Variants in NCOA3 observed in about 807,000 individuals in gnomAD.
NCOA3 encodes nuclear receptor coactivator 3.
In NCOA3, 51 loss-of-function variants were observed where a neutral mutation model predicts 158.8. The ratio of observed to expected loss-of-function variants is 0.32; its 90% CI spans 0.26 to 0.41. The LOEUF (loss-of-function observed/expected upper bound fraction) is 0.41, where lower values mean the gene tolerates loss of function less well. Ranked by LOEUF, NCOA3 falls within the 10% of genes least tolerant of loss-of-function variation. NCOA3 has a pLI of 1.00. For synonymous variants in NCOA3, 537 were observed against 592.4 expected, an observed-to-expected ratio of 0.91 and a Z score of 1.36; for missense variants, 1,510 against 1,746.6, an observed-to-expected ratio of 0.86 and a Z score of 2.41.
chr20:47,611,727 A>T (rs2086047101), intron 2 of NCOA3, among the ~76,000 whole-genome samples: 1 of 152,066 alleles, frequency 6.6e-6, no homozygotes, highest in Non-Finnish European at 1.5e-5. Context: ...GGGAGGCGGA[A>T]GTTTTAGTAA....
intron 2 of NCOA3, among the ~76,000 whole-genome samples, chr20:47,617,397 G>A (rs780597396): frequency 6.6e-6 from 1 of 152,154 alleles, no homozygotes; most frequent in Non-Finnish European, 1.5e-5. Flanking sequence ...CTAGTCTCAG[G>A]TAGTTACTGT....
intron 1 of NCOA3, among the ~76,000 whole-genome samples, chr20:47,573,460 A>G (rs2085325789): frequency 6.6e-6 from 1 of 152,180 alleles, no homozygotes; most frequent in Non-Finnish European, 1.5e-5. Flanking sequence ...GAGATAAAAT[A>G]ATAATGAAAA....
intron 1 of NCOA3, among the ~76,000 whole-genome samples, chr20:47,569,938 A>C (rs2085264936): frequency 1.3e-5 from 2 of 151,470 alleles, no homozygotes; most frequent in South Asian, 4.2e-4. Context: ...CGAACCCGGG[A>C]GGCAGAGGTT....
At position 47,639,145 on chromosome 20, in the gene NCOA3, A is replaced by T. The variant is rs753055086; in HGVS notation, c.2650A>T (p.Met884Leu). The change falls in exon 14 of 23, where the codon ATG becomes TTG. Residue 884 changes from methionine to leucine, a missense_variant. By Grantham distance (15) the Met-to-Leu change is conservative. This residue lies in a region of NCOA3 where 1,017 missense variants were observed against 1,098.3 expected (regional missense o/e 0.93). Coordinates refer to ENST00000371998, the MANE Select transcript of NCOA3 (RefSeq NM_181659.3). ...TTTCCCCATGTTACCAAAGCAACCC[A>T]TGTTGGGTGGGAATCCAAGAATGAT... ...SAFPMLPKQP[M>L]LGGNPRMMDS... 6.2e-7 allele frequency: 1 copy of T among 1,614,172 alleles called. No homozygotes were observed. Among genetic ancestry groups the T allele is most frequent in the Non-Finnish European group, 8.5e-7 (1 of 1,180,028 alleles).
At chr20:47,599,789 C>A (rs547178861) in intron 2 of NCOA3, among the ~76,000 whole-genome samples, 13 of 152,060 alleles carry the variant, frequency 8.5e-5, no homozygotes, top group African/African-American at 2.2e-4. Flanking sequence ...ATATGAATTC[C>A]AGCAGCATAT....
At chr20:47,568,534 T>C (rs1044482073) in intron 1 of NCOA3, among the ~76,000 whole-genome samples, 29 of 152,190 alleles carry the variant, frequency 1.9e-4, no homozygotes, top group African/African-American at 7.0e-4. Context: ...GCCTGGTGGG[T>C]AGCTCCATCC....
intron 2 of NCOA3, among the ~76,000 whole-genome samples, chr20:47,585,082 C>T (rs989094946): frequency 2.4e-5 from 3 of 127,454 alleles, no homozygotes; most frequent in Middle Eastern, 5.7e-3. Context: ...GAGACAGACT[C>T]CCTCTGTCAC....
intron 2 of NCOA3, among the ~76,000 whole-genome samples, chr20:47,604,622 G>A (rs961207611): frequency 6.6e-6 from 1 of 151,794 alleles, no homozygotes; most frequent in Non-Finnish European, 1.5e-5. Flanking sequence ...TTTAAAAATC[G>A]AGATGGGAGC....
intron 2 of NCOA3, among the ~76,000 whole-genome samples, chr20:47,589,075 TAG>T (rs1164498165): frequency 6.6e-6 from 1 of 151,964 alleles, no homozygotes; most frequent in East Asian, 1.9e-4. Context: ...TTTTTTTTAG[TAG>T]AGACAGGTTT....
Position 47,639,719 on chromosome 20 carries a change from C to G in NCOA3, c.2850C>G (p.Pro950=). The G allele has an allele frequency of 3.1e-6, 5 of 1,614,114 alleles. No individual in the cohort carries two copies. The highest frequency in any genetic ancestry group is 4.2e-6 in the Non-Finnish European group (5 of 1,180,032). ...RPGGDYNTSL[P]RPALGGSIPT... ...GAGGAGATTATAATACTTCTTTACC[C>G]AGACCTGCACTGGGTGGCTCTATTC... Residue 950 remains proline, a synonymous_variant, in exon 15 of 23, where the codon CCC becomes CCG. Transcript: ENST00000371998.
chr20:47,653,009 T>C lies in NCOA3; in HGVS notation c.4200T>C (p.Gly1400=), dbSNP rs2086821460. 4.3e-6 allele frequency: 7 copies of C among 1,614,066 alleles called. No homozygotes were observed. Among genetic ancestry groups the C allele is most frequent in the Non-Finnish European group, 5.9e-6 (7 of 1,180,012 alleles). ...YSMVHMNGSS[G]HMGQMNMNPM... ...TGGTGCACATGAATGGCAGCAGTGGTCACATGGGACAGATGAACATGAACC... is the reference window on the plus strand; with the variant it reads ...TGGTGCACATGAATGGCAGCAGTGGCCACATGGGACAGATGAACATGAACC... Residue 1400 remains glycine (G), a synonymous_variant, in exon 22 of 23, where the codon GGT becomes GGC. Coordinates refer to ENST00000371998, the MANE Select transcript of NCOA3 (RefSeq NM_181659.3).
At chr20:47,587,554 C>A (rs1446571706) in intron 2 of NCOA3, among the ~76,000 whole-genome samples, 7 of 152,174 alleles carry the variant, frequency 4.6e-5, no homozygotes, top group Admixed American at 3.9e-4. Context: ...TATAAAGTAG[C>A]AATTGTATTT....
intron 1 of NCOA3, among the ~76,000 whole-genome samples, chr20:47,569,678 C>G (rs1258281462): frequency 1.3e-5 from 2 of 149,354 alleles, no homozygotes; most frequent in African/African-American, 4.9e-5. Flanking sequence ...GAGACCCTGT[C>G]TCAACAACAG....
At chr20:47,545,063 C>G (rs1010175013) in intron 1 of NCOA3, among the ~76,000 whole-genome samples, 2 of 151,298 alleles carry the variant, frequency 1.3e-5, no homozygotes, top group African/African-American at 4.9e-5. Context: ...TATGTCATTC[C>G]ACTGTCTTCT....
rs773481223 is a variant in NCOA3 at position 47,654,331 on chromosome 20, G to C, written c.*914G>C. 5.2e-5 allele frequency: 8 copies of C among 152,520 alleles called. No individual in the cohort carries two copies. The highest frequency in any genetic ancestry group is 1.2e-4 in the Non-Finnish European group (8 of 68,016). 9.4% of individuals were successfully genotyped at this position (152,520 alleles called of 1,614,324 possible). ...ATAAACTTCTGAAAACCCAAGGCCA[G>C]GTACTGCATTCTGAATCAGAATCTC... On this transcript the variant is annotated 3_prime_UTR_variant, in exon 23 of 23. Coordinates refer to ENST00000371998, the MANE Select transcript of NCOA3 (RefSeq NM_181659.3).
Position 47,625,415 on chromosome 20 carries a change from A to ACT in NCOA3, c.291_292insCT (p.Ala98LeufsTer17). 1 of 1,613,820 alleles carries ACT rather than the reference A, an allele frequency of 6.2e-7. No individual in the cohort carries two copies. Among genetic ancestry groups the ACT allele is most frequent in the Non-Finnish European group, 8.5e-7 (1 of 1,179,810 alleles). The stretch of plus-strand genomic sequence containing the variant: ...TTTCCAATGATGATGATGTTCAAAA[A>ACT]GCCGATGTATCTTCTACAGGGCAGG... On this transcript the variant is annotated frameshift_variant, in exon 5 of 23. Transcript: ENST00000371998. LOFTEE classifies it high-confidence loss of function.
At chr20:47,622,105 G>T in intron 2 of NCOA3, 124 bp from the exon 3 acceptor site, 1 of 554,580 alleles carries the variant, frequency 1.8e-6, no homozygotes, top group Non-Finnish European at 3.2e-6. Flanking sequence ...AGAATATTGA[G>T]AATTATCTGT....
intron 1 of NCOA3, among the ~76,000 whole-genome samples, chr20:47,538,037 GC>G (rs376463226): frequency 6.6e-6 from 1 of 152,050 alleles, no homozygotes; most frequent in East Asian, 1.9e-4. Flanking sequence ...CTGCCACCAT[GC>G]CTGGCTAATT....
At chr20:47,518,184 CAA>C (rs915828403) in intron 1 of NCOA3, among the ~76,000 whole-genome samples, 1 of 138,940 alleles carries the variant, frequency 7.2e-6, no homozygotes. Context: ...CCGTCTCTGC[CAA>C]AAAAAAAAAA....
Sources: gnomAD v4.1 joint callset for allele counts (sites outside exome capture counted in the v4.1 genomes callset) on GRCh38, gnomAD v4.1.1 for gene constraint, gnomAD v4.1.1 regional missense constraint, MANE v1.5 for transcripts, NCBI Gene and HGNC (gene_info 2026-07-23, HGNC 2026-07-21) for gene names.